The following CBFA2T3 variants were observed in gnomAD, a reference collection of about 807,000 sequenced individuals.
The protein encoded by CBFA2T3 is CBFA2/RUNX1 partner transcriptional co-repressor 3.
CBFA2T3 carries 31 observed loss-of-function variants against 58.6 expected under a neutral mutation model. The observed-to-expected ratio is 0.53, with a 90% CI of 0.40 to 0.71. CBFA2T3 has a LOEUF of 0.71. Among genes scored for constraint, CBFA2T3 ranks in the 30% least tolerant of loss-of-function variants. CBFA2T3 has a pLI of 0.00. For synonymous variants in CBFA2T3, 531 were observed against 421.9 expected, an observed-to-expected ratio of 1.26 and a Z score of -3.17; for missense variants, 1,076 against 963.1, an observed-to-expected ratio of 1.12 and a Z score of -1.55.
chr16:88,897,714 T>C (rs1031372957), intron 3 of CBFA2T3, among the ~76,000 whole-genome samples: 4 of 152,238 alleles, frequency 2.6e-5, no homozygotes, highest in East Asian at 3.8e-4. Flanking sequence ...AGGTGGGGTC[T>C]GCCCTAGCAA....
intron 1 of CBFA2T3, 113 bp downstream of exon 1, chr16:88,976,544 C>A: frequency 1.3e-6 from 1 of 775,310 alleles, no homozygotes. Context: ...GCCATCCGTG[C>A]CGGCACTGTC....
rs533672739 is a variant in CBFA2T3, at chr16:88,894,650, G to A, written c.380-2165C>T. 2.5e-3 allele frequency among the ~76,000 whole-genome samples: 377 copies of A among 152,292 alleles called. 1 individual carries two copies. Among genetic ancestry groups the A allele is most frequent in the African/African-American group, 8.8e-3 (366 of 41,526 alleles). Reference sequence around the variant, plus strand: ...ATGCACGGCTATGATGTACACGCTCGTCTCTCTTGCTCCACTGTGGCCCCA... The same window carrying A: ...ATGCACGGCTATGATGTACACGCTCATCTCTCTTGCTCCACTGTGGCCCCA... On this transcript the variant is annotated intron_variant, in intron 3 of 11. Coordinates refer to ENST00000268679, the MANE Select transcript of CBFA2T3 (RefSeq NM_005187.6).
intron 5 of CBFA2T3, among the ~76,000 whole-genome samples, chr16:88,890,711 T>C (rs1969597330): frequency 6.6e-6 from 1 of 151,920 alleles, no homozygotes; most frequent in African/African-American, 2.4e-5. Context: ...GCTTCATTCA[T>C]TCATTCATTC....
At chr16:88,936,783 ACTT>A in intron 1 of CBFA2T3, 1 of 152,366 alleles carries the variant, frequency 6.6e-6, no homozygotes, top group Middle Eastern at 3.4e-3. Flanking sequence ...AGAAGTCTGA[ACTT>A]CTGTTTTATT....
intron 1 of CBFA2T3, among the ~76,000 whole-genome samples, chr16:88,973,813 C>G (rs1040369996): frequency 1.3e-5 from 2 of 149,654 alleles, no homozygotes. Flanking sequence ...CAGGTGGGCT[C>G]CAGCCAGGGC....
Position 88,925,416 on chromosome 16 carries a change from G to A in CBFA2T3, c.152-23760C>T, listed in dbSNP as rs576548114. On this transcript the variant is annotated intron_variant, in intron 1 of 11. Coordinates refer to ENST00000268679, the MANE Select transcript of CBFA2T3 (RefSeq NM_005187.6). ...GATCTGCAGGGGGCCAGGGGGTGGT[G>A]CTGCTGAGTCAAAACAGCCCCCAGG... Among the ~76,000 whole-genome samples the A allele has an allele frequency of 3.3e-5, 5 of 152,336 alleles. No homozygotes were observed. In the East Asian group the frequency reaches 9.7e-4, roughly 29 times the overall value.
chr16:88,956,622 G>A (rs934277919), intron 1 of CBFA2T3, among the ~76,000 whole-genome samples: 4 of 152,208 alleles, frequency 2.6e-5, no homozygotes, highest in Admixed American at 2.6e-4. Context: ...GGCGAGGCTG[G>A]GACCCATAGG....
chr16:88,959,272 G>A (rs1363316182), intron 1 of CBFA2T3, among the ~76,000 whole-genome samples: 7 of 152,246 alleles, frequency 4.6e-5, no homozygotes, highest in Non-Finnish European at 7.3e-5. Flanking sequence ...CTGTGGCCGC[G>A]GACGGGTGGT....
chr16:88,909,035 C>G, intron 1 of CBFA2T3, among the ~76,000 whole-genome samples: 1 of 152,182 alleles, frequency 6.6e-6, no homozygotes, highest in East Asian at 1.9e-4. Context: ...CCGGCTCTGC[C>G]CTTCCTGGAG....
intron 1 of CBFA2T3, among the ~76,000 whole-genome samples, chr16:88,926,553 C>T (rs1447613264): frequency 1.3e-5 from 2 of 152,220 alleles, no homozygotes; most frequent in East Asian, 1.9e-4. Flanking sequence ...GTTTGTCATG[C>T]GTCACACCAG....
At chr16:88,881,193 G>C in intron 9 of CBFA2T3, 98 bp downstream of exon 9, 1 of 1,065,958 alleles carries the variant, frequency 9.4e-7, no homozygotes, top group Non-Finnish European at 1.4e-6. Flanking sequence ...AAACTGTTCT[G>C]CCTGGTGTTT....
chr16:88,960,269 A>G (rs1325869431), intron 1 of CBFA2T3, among the ~76,000 whole-genome samples: 2 of 152,244 alleles, frequency 1.3e-5, no homozygotes, highest in East Asian at 1.9e-4. Context: ...TCTAAGTTCA[A>G]TGTGGACGGC....
At chr16:88,974,933 G>T (rs1188750751) in intron 1 of CBFA2T3, among the ~76,000 whole-genome samples, 1 of 152,188 alleles carries the variant, frequency 6.6e-6, no homozygotes, top group East Asian at 1.9e-4. Context: ...TGCCTGATGT[G>T]GCTAAGGCTG....
chr16:88,964,609 T>A lies in CBFA2T3; in HGVS notation c.151+12048A>T, dbSNP rs555146047. 2.0e-5 allele frequency among the ~76,000 whole-genome samples: 3 copies of A among 152,358 alleles called. No homozygotes were observed. In the South Asian group the frequency reaches 6.2e-4, roughly 32 times the overall value. ...CCCGACTGGCTCCCTCATCGCGGAA[T>A]AATACACCTTTCACACATGCTTACT... On this transcript the variant is annotated intron_variant, in intron 1 of 11. Coordinates refer to ENST00000268679, the MANE Select transcript of CBFA2T3 (RefSeq NM_005187.6).
At chr16:88,957,307 C>T (rs972376488) in intron 1 of CBFA2T3, among the ~76,000 whole-genome samples, 6 of 152,234 alleles carry the variant, frequency 3.9e-5, no homozygotes, top group East Asian at 3.9e-4. Flanking sequence ...TCCCTGCCCT[C>T]GGGACACCCC....
intron 1 of CBFA2T3, among the ~76,000 whole-genome samples, chr16:88,901,986 CG>C (rs1567594023): frequency 1.3e-5 from 2 of 152,194 alleles, no homozygotes. Flanking sequence ...CCCGAGGCAG[CG>C]GTGCCTTGCT....
chr16:88,918,553 G>C lies in CBFA2T3; in HGVS notation c.152-16897C>G, dbSNP rs866514688. On this transcript the variant is annotated intron_variant, in intron 1 of 11. Coordinates refer to ENST00000268679, the MANE Select transcript of CBFA2T3 (RefSeq NM_005187.6). ...CACAGGCCCTGAGCTCCAAGCGTGC[G>C]GCCCACCAACCTCCTCAAAATTTGT... 2.0e-5 allele frequency among the ~76,000 whole-genome samples: 3 copies of C among 152,256 alleles called. No homozygotes were observed. The East Asian group carries it at 5.8e-4, about 29-fold the overall frequency.
At chr16:88,901,318 C>G (rs114022832) in intron 2 of CBFA2T3, among the ~76,000 whole-genome samples, 186 bp downstream of exon 2, 1 of 152,180 alleles carries the variant, frequency 6.6e-6, no homozygotes, top group Non-Finnish European at 1.5e-5. Flanking sequence ...CCGGAGCTAC[C>G]CAGTGGGAAG....
chr16:88,971,629 G>A (rs118058794), intron 1 of CBFA2T3, among the ~76,000 whole-genome samples: 4,467 of 152,336 alleles, frequency 0.029, 103 homozygotes, highest in Non-Finnish European at 0.046. Flanking sequence ...GCTGCAGGCC[G>A]GCCTCTGGCT....
Sources: gnomAD v4.1 joint callset for allele counts (sites outside exome capture counted in the v4.1 genomes callset) on GRCh38, gnomAD v4.1.1 for gene constraint, MANE v1.5 for transcripts, NCBI Gene and HGNC (gene_info 2026-07-23, HGNC 2026-07-21) for gene names.